SESTD1: variants seen among roughly 807,000 people sequenced by gnomAD.
The protein encoded by SESTD1 is SEC14 domain and spectrin repeat-containing protein 1.
SESTD1 carries 43 observed loss-of-function variants against 101.7 expected under a neutral mutation model. The ratio of observed to expected loss-of-function variants is 0.42; its 90% CI spans 0.33 to 0.55. The LOEUF (loss-of-function observed/expected upper bound fraction) is 0.55. SESTD1 is among the 20% of genes least tolerant of loss of function. The pLI is 0.07. For missense variants in SESTD1, 647 were observed against 815.1 expected (o/e 0.79, Z 2.51); for synonymous variants, 283 against 286.8 (o/e 0.99, Z 0.13).
chr2:179,195,480 G>C (rs908046210), intron 1 of SESTD1, among the ~76,000 whole-genome samples: 1 of 152,144 alleles, frequency 6.6e-6, no homozygotes, highest in Non-Finnish European at 1.5e-5. Context: ...CCAGTCTCAG[G>C]TATTTCTTTA....
At chr2:179,146,505 T>C in intron 7 of SESTD1, 48 bp from the exon 8 acceptor site, 2 of 1,505,442 alleles carry the variant, frequency 1.3e-6, no homozygotes, top group Non-Finnish European at 9.1e-7. Context: ...TTTCTATCAA[T>C]GTAACTTTAA....
intron 9 of SESTD1, among the ~76,000 whole-genome samples, chr2:179,139,516 G>GT (rs1349443496): frequency 6.6e-6 from 1 of 152,092 alleles, no homozygotes; most frequent in Non-Finnish European, 1.5e-5. Context: ...TAGTTGTTTG[G>GT]TGCCTATTGA....
intron 3 of SESTD1, among the ~76,000 whole-genome samples, chr2:179,182,054 G>C (rs548855660): frequency 4.7e-5 from 7 of 150,176 alleles, no homozygotes; most frequent in Non-Finnish European, 7.4e-5. Context: ...ATGCAGGTGC[G>C]ATTAAAATCA....
At chr2:179,156,166 A>G (rs2045627327) in intron 5 of SESTD1, among the ~76,000 whole-genome samples, 1 of 152,018 alleles carries the variant, frequency 6.6e-6, no homozygotes, top group African/African-American at 2.4e-5. Context: ...ATATATGTAT[A>G]TGTGTGTGTA....
chr2:179,156,444 C>T (rs972757298), intron 5 of SESTD1, among the ~76,000 whole-genome samples: 1 of 152,174 alleles, frequency 6.6e-6, no homozygotes. Context: ...AGTTTACATT[C>T]CCACCAGCAG....
At chr2:179,229,749 T>TATATATATATA (rs2046950405) in intron 1 of SESTD1, among the ~76,000 whole-genome samples, 3 of 106,362 alleles carry the variant, frequency 2.8e-5, no homozygotes, top group Admixed American at 9.9e-5. Flanking sequence ...TTGTAAGAAC[T>TATATATATATA]TATATATATA....
Position 179,155,053 on chromosome 2 carries a change from C to T in SESTD1, c.370-3662G>A, listed in dbSNP as rs144693102. Reference sequence around the variant, plus strand: ...CTCAGCCTCCCAAGTAGCTGGACTACAGGGGCGTGCCACCATGCTCGGCTC... The same window carrying T: ...CTCAGCCTCCCAAGTAGCTGGACTATAGGGGCGTGCCACCATGCTCGGCTC... On this transcript the variant is annotated intron_variant, in intron 5 of 17. Transcript: ENST00000428443. Among the ~76,000 whole-genome samples, 73 of 152,154 alleles carry T rather than the reference C, an allele frequency of 4.8e-4. No individual in the cohort carries two copies. The East Asian group carries it at 0.01, about 21-fold the overall frequency.
rs184776527 is a variant in SESTD1, at chr2:179,204,247, G to A, written c.-25-12381C>T. On this transcript the variant is annotated intron_variant, in intron 1 of 17. Transcript: ENST00000428443. Reference sequence around the variant, plus strand: ...AGACCACAATCATGCCCTACTCCACGTCTTGAGCTGTGTATTCATCTTCTG... The same window carrying A: ...AGACCACAATCATGCCCTACTCCACATCTTGAGCTGTGTATTCATCTTCTG... 3.1e-4 allele frequency among the ~76,000 whole-genome samples: 42 copies of A among 134,596 alleles called. 9 individuals are homozygous for A. Among genetic ancestry groups the A allele is most frequent in the African/African-American group, 9.1e-4 (31 of 33,958 alleles). The allele number at this position is 134,596 out of a possible 152,430, so 88.3% of individuals were successfully genotyped here. A position where few individuals can be genotyped will look rare whatever the true frequency, so the allele number is the denominator to read the frequency against.
chr2:179,149,182 T>G, intron 7 of SESTD1, 115 bp downstream of exon 7: 1 of 670,312 alleles, frequency 1.5e-6, no homozygotes, highest in East Asian at 3.4e-5. Context: ...CAATTTTGAT[T>G]GAATGAAGAC....
At chr2:179,187,415 A>T (rs1488118859) in intron 2 of SESTD1, among the ~76,000 whole-genome samples, 1 of 152,230 alleles carries the variant, frequency 6.6e-6, no homozygotes, top group Non-Finnish European at 1.5e-5. Context: ...ACTTGAGCCC[A>T]GGAGTTTGAA....
chr2:179,239,866 G>C lies in SESTD1; in HGVS notation c.-26+24633C>G, dbSNP rs114429960. Among the ~76,000 whole-genome samples, 1,399 of 152,296 alleles carry C rather than the reference G, an allele frequency of 9.2e-3. 21 individuals are homozygous for C. The highest frequency in any genetic ancestry group is 0.032 in the African/African-American group (1,321 of 41,564). ...TCCACAATCAGTGACTGGTGATACT[G>C]ATATATTAACAACCAATTTACAATC... On this transcript the variant is annotated intron_variant, in intron 1 of 17. Coordinates refer to ENST00000428443, the MANE Select transcript of SESTD1 (RefSeq NM_178123.5).
chr2:179,230,642 G>T (rs1011317201), intron 1 of SESTD1, among the ~76,000 whole-genome samples: 2 of 151,714 alleles, frequency 1.3e-5, no homozygotes, highest in African/African-American at 2.4e-5. Flanking sequence ...ATGAGATAAC[G>T]CGGTAAAAAA....
intron 7 of SESTD1, 48 bp downstream of exon 7, chr2:179,149,249 A>ATAAT: frequency 7.6e-7 from 1 of 1,311,150 alleles, no homozygotes; most frequent in Non-Finnish European, 1.1e-6. Context: ...TTTTATCAGA[A>ATAAT]TAATTATAGT....
chr2:179,212,278 C>T (rs2046660778), intron 1 of SESTD1, among the ~76,000 whole-genome samples: 1 of 135,354 alleles, frequency 7.4e-6, no homozygotes, highest in Non-Finnish European at 1.6e-5. Context: ...CCTGGAAAAA[C>T]AAGACACTCC....
At chr2:179,175,932 G>T (rs4894082) in intron 4 of SESTD1, among the ~76,000 whole-genome samples, 98,367 of 151,994 alleles carry the variant, frequency 0.65, 32,855 homozygotes, top group South Asian at 0.81. Context: ...GACACAGCTG[G>T]TAAGTTTCTT....
intron 2 of SESTD1, among the ~76,000 whole-genome samples, chr2:179,188,894 C>T (rs1387042856): frequency 6.6e-6 from 1 of 152,050 alleles, no homozygotes; most frequent in Non-Finnish European, 1.5e-5. Context: ...CTGAAGCCCT[C>T]AACAGCCCAA....
intron 1 of SESTD1, among the ~76,000 whole-genome samples, chr2:179,238,668 T>C (rs906923356): frequency 6.6e-6 from 1 of 152,092 alleles, no homozygotes; most frequent in Non-Finnish European, 1.5e-5. Context: ...TATTTTATAA[T>C]TCTTTCTGTG....
At chr2:179,222,249 T>A (rs1298397626) in intron 1 of SESTD1, among the ~76,000 whole-genome samples, 1 of 152,214 alleles carries the variant, frequency 6.6e-6, no homozygotes, top group Admixed American at 6.5e-5. Flanking sequence ...GCAAAAAACA[T>A]GGCCTTGGAG....
chr2:179,185,758 AAT>A (rs1316355818), intron 2 of SESTD1, among the ~76,000 whole-genome samples: 2 of 124,812 alleles, frequency 1.6e-5, no homozygotes, highest in Non-Finnish European at 3.1e-5. Context: ...TATTATATAC[AAT>A]ATATAATATA....
Sources: gnomAD v4.1 joint callset for allele counts (sites outside exome capture counted in the v4.1 genomes callset) on GRCh38, gnomAD v4.1.1 for gene constraint, MANE v1.5 for transcripts, NCBI Gene and HGNC (gene_info 2026-07-23, HGNC 2026-07-21) for gene names.